The following FGD6 variants were observed in gnomAD, a reference collection of about 807,000 sequenced individuals.
FGD6 encodes FYVE, RhoGEF and PH domain containing 6.
A neutral mutation model predicts 149.4 loss-of-function variants in FGD6; 90 were observed. The observed-to-expected ratio is 0.60, with a 90% confidence interval of 0.51 to 0.72. FGD6 has a LOEUF of 0.72. Ranked by LOEUF, FGD6 falls within the 30% of genes least tolerant of loss-of-function variation. The probability of loss-of-function intolerance (pLI) is 0.00; values close to 1 mark genes in which losing one functional copy is unlikely to be tolerated. For synonymous variants in FGD6, 527 were observed against 584.0 expected (o/e 0.90, Z 1.41); for missense variants, 1,437 against 1,684.8 (o/e 0.85, Z 2.57).
chr12:95,111,273 G>C (rs182065190), intron 9 of FGD6, among the ~76,000 whole-genome samples: 1 of 152,014 alleles, frequency 6.6e-6, no homozygotes, highest in Non-Finnish European at 1.5e-5. Flanking sequence ...GAGCCACCAC[G>C]CCCGGCCACT....
At chr12:95,131,855 C>T (rs1879530566) in intron 8 of FGD6, among the ~76,000 whole-genome samples, 1 of 152,048 alleles carries the variant, frequency 6.6e-6, no homozygotes, top group Admixed American at 6.6e-5. Context: ...GGCTGGCCAA[C>T]ACAGCAAAAC....
At chr12:95,119,609 T>G (rs1879123282) in intron 8 of FGD6, among the ~76,000 whole-genome samples, 1 of 152,236 alleles carries the variant, frequency 6.6e-6, no homozygotes, top group Non-Finnish European at 1.5e-5. Context: ...TTTTGTAAGT[T>G]AATGGGTTTG....
At chr12:95,137,351 A>C (rs947403614) in intron 7 of FGD6, among the ~76,000 whole-genome samples, 171 bp downstream of exon 7, 1 of 152,216 alleles carries the variant, frequency 6.6e-6, no homozygotes, top group Non-Finnish European at 1.5e-5. Flanking sequence ...AGTCATGTAC[A>C]TTCTTGAGTT....
chr12:95,130,171 A>T (rs1367696626), intron 8 of FGD6, among the ~76,000 whole-genome samples: 1 of 152,218 alleles, frequency 6.6e-6, no homozygotes, highest in African/African-American at 2.4e-5. Context: ...TCCAGAAAAG[A>T]AAACACTGGA....
chr12:95,082,984 TAA>T (rs1173446654), intron 20 of FGD6, among the ~76,000 whole-genome samples: 344 of 30,760 alleles, frequency 0.011, 2 homozygotes, highest in Non-Finnish European at 0.015. Context: ...CTGTCTCCAT[TAA>T]AAAAAAAAAA....
At chr12:95,214,768 G>A (rs1031290396) in intron 1 of FGD6, among the ~76,000 whole-genome samples, 1 of 151,788 alleles carries the variant, frequency 6.6e-6, no homozygotes, top group African/African-American at 2.4e-5. Context: ...CAGCCAAAAC[G>A]CAAAGCACAG....
intron 2 of FGD6, among the ~76,000 whole-genome samples, chr12:95,173,595 T>C (rs1881052726): frequency 6.6e-6 from 1 of 152,160 alleles, no homozygotes; most frequent in Admixed American, 6.5e-5. Flanking sequence ...GGGAATTCCA[T>C]AGGAAAGTTC....
intron 8 of FGD6, among the ~76,000 whole-genome samples, chr12:95,115,673 T>C (rs185609309): frequency 6.6e-6 from 1 of 152,332 alleles, no homozygotes; most frequent in East Asian, 1.9e-4. Context: ...AATATATCTT[T>C]ATCAGACCCA....
intron 14 of FGD6, among the ~76,000 whole-genome samples, chr12:95,096,678 A>G (rs1878241765): frequency 6.6e-6 from 1 of 152,114 alleles, no homozygotes; most frequent in Non-Finnish European, 1.5e-5. Context: ...CAACATCATC[A>G]CCCACCTTCA....
chr12:95,078,353 A>T lies in FGD6; in HGVS notation c.*3167T>A, dbSNP rs1565889577. 6.6e-6 allele frequency: 1 copy of T among 152,268 alleles called. No homozygotes were observed. The highest frequency in any genetic ancestry group is 1.5e-5 in the Non-Finnish European group (1 of 68,048). The allele number at this position is 152,268 out of a possible 1,614,324, so 9.4% of individuals were successfully genotyped here. On this transcript the variant is annotated 3_prime_UTR_variant, in exon 21 of 21. Transcript: ENST00000343958. ...TTCAAAAGCTGAGCACAATGGAAGC[A>T]CACTCCAAAACATACCAACATATGC...
chr12:95,094,581 G>T lies in FGD6; in HGVS notation c.3600+11C>A. ...TGCACTGGAAAAAAAAAAAAAAGGA[G>T]AAAACAATACCTCATCAAGACTCCT... On this transcript the variant is annotated intron_variant, in intron 15 of 20. Coordinates refer to ENST00000343958, the MANE Select transcript of FGD6 (RefSeq NM_018351.4). The T allele has an allele frequency of 6.6e-7, 1 of 1,524,900 alleles. No homozygotes were observed. Among genetic ancestry groups the T allele is most frequent in the Non-Finnish European group, 8.9e-7 (1 of 1,125,958 alleles). 94.5% of individuals were successfully genotyped at this position (1,524,900 alleles called of 1,614,324 possible).
At chr12:95,156,467 T>C (rs1880472730) in intron 3 of FGD6, among the ~76,000 whole-genome samples, 1 of 152,194 alleles carries the variant, frequency 6.6e-6, no homozygotes, top group African/African-American at 2.4e-5. Context: ...TAAAAAATTT[T>C]TGGTCAGACC....
chr12:95,111,349 C>G (rs575196391), intron 9 of FGD6, among the ~76,000 whole-genome samples: 1 of 152,306 alleles, frequency 6.6e-6, no homozygotes, highest in South Asian at 2.1e-4. Flanking sequence ...GTTTTCTCAT[C>G]TATGTCTTTG....
At chr12:95,199,355 A>G (rs1881808135) in intron 2 of FGD6, among the ~76,000 whole-genome samples, 1 of 152,148 alleles carries the variant, frequency 6.6e-6, no homozygotes, top group Non-Finnish European at 1.5e-5. Context: ...GACATATGTT[A>G]ATTTCTCACT....
intron 13 of FGD6, 93 bp from the exon 14 acceptor site, chr12:95,105,179 C>T: frequency 1.0e-6 from 1 of 993,492 alleles, no homozygotes; most frequent in South Asian, 1.5e-5. Flanking sequence ...TGCTTACATC[C>T]ACAACCAATC....
At chr12:95,116,939 G>A (rs1879035077) in intron 8 of FGD6, 6 of 455,652 alleles carry the variant, frequency 1.3e-5, no homozygotes, top group Non-Finnish European at 2.6e-5. Flanking sequence ...GAGTCAGATG[G>A]GAGGAACAGG....
intron 2 of FGD6, among the ~76,000 whole-genome samples, chr12:95,195,968 A>G (rs1013382349): frequency 6.6e-6 from 1 of 151,932 alleles, no homozygotes; most frequent in African/African-American, 2.4e-5. Flanking sequence ...CTAAATATAT[A>G]AAAATTAGGC....
At chr12:95,100,610 T>C in intron 14 of FGD6, 1 of 496,478 alleles carries the variant, frequency 2.0e-6, no homozygotes. Flanking sequence ...GGCATTCTTT[T>C]TTCCCACCCT....
intron 8 of FGD6, among the ~76,000 whole-genome samples, chr12:95,121,981 ACTTC>A (rs1879204678): frequency 6.6e-6 from 1 of 152,206 alleles, no homozygotes; most frequent in Non-Finnish European, 1.5e-5. Flanking sequence ...ATTTCAAGTT[ACTTC>A]CTTATTACAT....
Sources: allele counts gnomAD v4.1 joint callset (sites outside exome capture counted in the v4.1 genomes callset), GRCh38; gene constraint gnomAD v4.1.1; transcripts MANE v1.5; gene names NCBI Gene and HGNC (gene_info 2026-07-23, HGNC 2026-07-21).